ARHGEF2: variants seen among roughly 807,000 people sequenced by gnomAD.
ARHGEF2 encodes the protein rho guanine nucleotide exchange factor 2.
Under a neutral mutation model 121.0 loss-of-function variants are expected in ARHGEF2, and 22 were observed. The observed-to-expected ratio is 0.18, with a 90% confidence interval of 0.13 to 0.26. The LOEUF (loss-of-function observed/expected upper bound fraction) is 0.26, where lower values mean the gene tolerates loss of function less well. Among genes scored for constraint, ARHGEF2 ranks in the 10% least tolerant of loss-of-function variants. The probability of loss-of-function intolerance (pLI) is 1.00; values close to 1 mark genes in which losing one functional copy is unlikely to be tolerated. For synonymous variants in ARHGEF2, 487 were observed against 530.0 expected, an observed-to-expected ratio of 0.92 and a Z score of 1.11; for missense variants, 907 against 1,336.0, an observed-to-expected ratio of 0.68 and a Z score of 5.01.
intron 13 of ARHGEF2, among the ~76,000 whole-genome samples, chr1:155,957,038 T>TA (rs911625922): frequency 3.7e-4 from 52 of 141,308 alleles, no homozygotes; most frequent in East Asian, 1.6e-3. Flanking sequence ...CAAAAAAAAT[T>TA]AAAAAAAAAA....
chr1:155,972,744 T>C (rs1680690589), intron 1 of ARHGEF2, among the ~76,000 whole-genome samples: 3 of 151,432 alleles, frequency 2.0e-5, no homozygotes, highest in South Asian at 4.2e-4. Context: ...CTCTGTTGCC[T>C]GGACTGGAGT....
intron 3 of ARHGEF2, 51 bp downstream of exon 3, chr1:155,966,769 C>G (rs747212714): frequency 4.7e-6 from 7 of 1,489,918 alleles, no homozygotes; most frequent in Non-Finnish European, 6.6e-6. Context: ...ATGAGGGTAC[C>G]GCACACTCAC....
chr1:155,949,953 G>A (rs1318705862), intron 21 of ARHGEF2, among the ~76,000 whole-genome samples: 1 of 151,820 alleles, frequency 6.6e-6, no homozygotes, highest in Non-Finnish European at 1.5e-5. Context: ...AGAGAAGGTG[G>A]GTCTCACTAT....
intron 4 of ARHGEF2, 111 bp downstream of exon 4, chr1:155,966,305 A>C: frequency 9.5e-7 from 1 of 1,050,126 alleles, no homozygotes; most frequent in Non-Finnish European, 1.5e-6. Context: ...CCAATCAAGA[A>C]GAGGAAGGTG....
chr1:155,952,907 G>A (rs1292447329), intron 14 of ARHGEF2, 79 bp from the exon 15 acceptor site: 1 of 1,379,780 alleles, frequency 7.2e-7, no homozygotes, highest in Non-Finnish European at 1.0e-6. Flanking sequence ...CCCTAGGGGA[G>A]AGGGGTAGGG....
In ARHGEF2 at chr1:155,958,346, C is replaced by T; in HGVS notation, c.1519G>A (p.Asp507Asn). The T allele has an allele frequency of 6.2e-7, 1 of 1,613,810 alleles. No homozygotes were observed. The highest frequency in any genetic ancestry group is 1.1e-5 in the South Asian group (1 of 91,046). The part of the protein sequence containing the change: ...TDVLVFLQEK[D>N]QKYIFPTLDK... ...AGGGTAGGAAAGATGTACTTCTGGT[C>T]CTTTTCCTGGAGAAACACCAGTACA... is the stretch of plus-strand genomic sequence containing the variant. The change falls in exon 12 of 22, where the codon GAC (aspartate) becomes AAC (asparagine). Residue 507 changes from aspartate (D) to asparagine (N), a missense_variant. Asp to Asn is a conservative substitution (Grantham distance 23). Around this residue, in one of 2 missense-constraint regions of ARHGEF2, gnomAD observed 475 missense variants for 776.5 expected, o/e 0.61. Transcript: ENST00000361247.
chr1:155,978,824 C>T (rs1183145314), upstream of ARHGEF2: 9 of 975,858 alleles, frequency 9.2e-6, no homozygotes, highest in East Asian at 4.1e-4. This position sits in a 1 kb window ranked among gnomAD's most constrained non-coding sequence, Gnocchi z 4.1. Flanking sequence ...CCGCAGCCCT[C>T]GCCGGACCCA....
intron 14 of ARHGEF2, among the ~76,000 whole-genome samples, chr1:155,954,282 C>CATT (rs1553238288): frequency 1.4e-4 from 15 of 108,488 alleles, no homozygotes; most frequent in Non-Finnish European, 2.2e-4. Flanking sequence ...CAATCTACTT[C>CATT]TTTTTTTTTT....
At chr1:155,973,743 C>T (rs1179743715) in intron 1 of ARHGEF2, among the ~76,000 whole-genome samples, 2 of 147,430 alleles carry the variant, frequency 1.4e-5, no homozygotes, top group Admixed American at 6.8e-5. Context: ...GAGACTCTGT[C>T]TCAAAAAAAA....
Position 155,954,957 on chromosome 1 carries a change from C to T in ARHGEF2, c.1728G>A (p.Arg576=). 6.2e-7 allele frequency: 1 copy of T among 1,611,214 alleles called. No homozygotes were observed. The highest frequency in any genetic ancestry group is 8.5e-7 in the Non-Finnish European group (1 of 1,178,760). Residue 576 remains arginine (R), a synonymous_variant, in exon 14 of 22, where the codon AGG becomes AGA. Transcript: ENST00000361247. ...IQQSVRTCPS[R]EDFPLIETED... is the part of the protein sequence containing the mutation. ...CTGTCTCAATCAGGGGGAAGTCCTC[C>T]CTGGATGGGCATCTGGAGGGGTAAC...
intron 3 of ARHGEF2, 68 bp downstream of exon 3, chr1:155,966,751 GA>G: frequency 1.4e-6 from 2 of 1,460,172 alleles, no homozygotes; most frequent in Non-Finnish European, 1.9e-6. Flanking sequence ...GGAATGAATG[GA>G]AAAGGCATGA....
At chr1:155,958,679 G>T (rs192914871) in intron 11 of ARHGEF2, among the ~76,000 whole-genome samples, 3 of 150,628 alleles carry the variant, frequency 2.0e-5, no homozygotes, top group African/African-American at 7.3e-5. Flanking sequence ...GGGTTCAAGC[G>T]ATTCTCCTAC....
intron 1 of ARHGEF2, chr1:155,969,509 G>A (rs1680066513): frequency 1.4e-6 from 2 of 1,410,202 alleles, no homozygotes; most frequent in Non-Finnish European, 1.8e-6. Flanking sequence ...AGCCAGCCCG[G>A]ATGGGTTCTG....
chr1:155,951,621 A>G lies in ARHGEF2; in HGVS notation c.2209-88T>C. On this transcript the variant is annotated intron_variant, in intron 18 of 21. Transcript: ENST00000361247. This position sits in a 1 kb window ranked among gnomAD's most constrained non-coding sequence, Gnocchi z 5.1. ...GAACAAGGGTGGGTGTGGGGACAGTAGGATCCGGAGACATACTTGAATGTA... is the reference window on the plus strand; with the variant it reads ...GAACAAGGGTGGGTGTGGGGACAGTGGGATCCGGAGACATACTTGAATGTA... The G allele has an allele frequency of 6.2e-7, 1 of 1,606,258 alleles. No individual in the cohort carries two copies. Among genetic ancestry groups the G allele is most frequent in the Non-Finnish European group, 8.5e-7 (1 of 1,173,032 alleles).
At chr1:155,969,110 C>T in intron 2 of ARHGEF2, 46 bp downstream of exon 2, 1 of 1,608,598 alleles carries the variant, frequency 6.2e-7, no homozygotes, top group South Asian at 1.1e-5. Flanking sequence ...AGATCAGGGT[C>T]AGTGGGCACC....
chr1:155,950,605 G>T lies in ARHGEF2; in HGVS notation c.2704-123C>A. 3 of 1,091,946 alleles carry T rather than the reference G, an allele frequency of 2.7e-6. No homozygotes were observed. The highest frequency in any genetic ancestry group is 4.0e-6 in the Non-Finnish European group (3 of 751,434). 67.6% of individuals were successfully genotyped at this position (1,091,946 alleles called of 1,614,324 possible). On this transcript the variant is annotated intron_variant, in intron 20 of 21. Coordinates refer to ENST00000361247, the MANE Select transcript of ARHGEF2 (RefSeq NM_001162383.2). This position sits in a 1 kb window ranked among gnomAD's most constrained non-coding sequence, Gnocchi z 5.2. ...GCTCACCCATGAGTCCCCTTCAGGAGATCCACCACCAACTGGCCTCTTTCA... is the reference window on the plus strand; with the variant it reads ...GCTCACCCATGAGTCCCCTTCAGGATATCCACCACCAACTGGCCTCTTTCA...
chr1:155,953,081 A>G (rs1675842209), intron 14 of ARHGEF2, among the ~76,000 whole-genome samples: 1 of 152,092 alleles, frequency 6.6e-6, no homozygotes, highest in Non-Finnish European at 1.5e-5. Flanking sequence ...CCTGGCTAAC[A>G]TGGCAAAACC....
At chr1:155,977,451 C>A (rs779595984) in intron 1 of ARHGEF2, among the ~76,000 whole-genome samples, 1 of 151,836 alleles carries the variant, frequency 6.6e-6, no homozygotes, top group Non-Finnish European at 1.5e-5. Flanking sequence ...AATTATACAC[C>A]CAGACTCATG....
Position 155,952,182 on chromosome 1 carries a change from G to A in ARHGEF2, c.2038C>T (p.Pro680Ser), listed in dbSNP as rs763878686. The A allele has an allele frequency of 5.0e-6, 8 of 1,614,148 alleles. No individual in the cohort carries two copies. In the South Asian group the frequency reaches 6.6e-5, roughly 13 times the overall value. The change falls in exon 16 of 22, where the codon CCC becomes TCC. Residue 680 changes from proline (P) to serine (S), a missense_variant. By Grantham distance (74) the Pro-to-Ser change is moderately conservative (BLOSUM62 -1). Around this residue, in one of 2 missense-constraint regions of ARHGEF2, gnomAD observed 432 missense variants for 559.5 expected, o/e 0.77. Transcript: ENST00000361247. Reference sequence around the variant, plus strand: ...TCCAAGGGCAGGGCTGGCTCTCGGGGTGTCAAGAGCAGTTCCACTCCTGGC... The same window carrying A: ...TCCAAGGGCAGGGCTGGCTCTCGGGATGTCAAGAGCAGTTCCACTCCTGGC... ...VGPGVELLLT[P>S]REPALPLEPD...
Sources: allele counts gnomAD v4.1 joint callset (sites outside exome capture counted in the v4.1 genomes callset), GRCh38; gene constraint gnomAD v4.1.1; regional missense constraint gnomAD v4.1.1; non-coding constraint Gnocchi (gnomAD v3.1); transcripts MANE v1.5; gene names NCBI Gene and HGNC (gene_info 2026-07-23, HGNC 2026-07-21).